Variants in SCIN observed in about 807,000 individuals in gnomAD.
SCIN encodes the protein adseverin.
In SCIN, 91 loss-of-function variants were observed where a neutral mutation model predicts 91.8. The ratio of observed to expected loss-of-function variants is 0.99; its 90% CI spans 0.84 to 1.18. The LOEUF is 1.18. SCIN is among the 50% of genes most tolerant of loss of function. SCIN has a pLI of 0.00. For synonymous variants in SCIN, 367 were observed against 312.6 expected, an observed-to-expected ratio of 1.17 and a Z score of -1.84; for missense variants, 1,087 against 863.9, an observed-to-expected ratio of 1.26 and a Z score of -3.24.
In SCIN at chr7:12,622,812, A is replaced by G. The variant is rs372300943; in HGVS notation, c.678A>G (p.Glu226=). The G allele has an allele frequency of 6.2e-7, 1 of 1,613,056 alleles. No homozygotes were observed. Among genetic ancestry groups the G allele is most frequent in the Non-Finnish European group, 8.5e-7 (1 of 1,179,284 alleles). Residue 226 remains glutamate (E), a synonymous_variant, in exon 5 of 16, where the codon GAA becomes GAG. Coordinates refer to ENST00000297029, the MANE Select transcript of SCIN (RefSeq NM_001112706.3). ...EPSELIKVLG[E]KPELPDGGDD... The stretch of plus-strand genomic sequence containing the variant: ...TCACTTTTTTCCAGGTCTTAGGGGA[A>G]AAGCCAGAGCTTCCAGATGGAGGTG...
chr7:12,609,670 G>T (rs1418983934), intron 4 of SCIN, among the ~76,000 whole-genome samples: 2 of 152,126 alleles, frequency 1.3e-5, no homozygotes. Context: ...ATTCTGGAAA[G>T]ACTTTTTAAA....
intron 3 of SCIN, among the ~76,000 whole-genome samples, chr7:12,602,888 G>C (rs559152784): frequency 6.6e-6 from 1 of 152,090 alleles, no homozygotes; most frequent in African/African-American, 2.4e-5. Flanking sequence ...CTGAGGTGAC[G>C]TACATCTTCA....
At chr7:12,586,696 G>C (rs1219947377) in intron 3 of SCIN, among the ~76,000 whole-genome samples, 1 of 151,980 alleles carries the variant, frequency 6.6e-6, no homozygotes, top group Non-Finnish European at 1.5e-5. Flanking sequence ...TCCATAAACA[G>C]GTGAATAAAG....
At chr7:12,624,386 G>GT (rs1416186286) in intron 5 of SCIN, among the ~76,000 whole-genome samples, 1 of 152,172 alleles carries the variant, frequency 6.6e-6, no homozygotes, top group Non-Finnish European at 1.5e-5. Flanking sequence ...ATAGTCTGTA[G>GT]TCATTTCTAA....
intron 3 of SCIN, among the ~76,000 whole-genome samples, chr7:12,597,064 C>T (rs1452868758): frequency 6.6e-6 from 1 of 152,156 alleles, no homozygotes; most frequent in Non-Finnish European, 1.5e-5. Context: ...AAAACACACA[C>T]AATATCTTTC....
intron 2 of SCIN, among the ~76,000 whole-genome samples, chr7:12,579,203 T>C (rs551736966): frequency 6.6e-6 from 1 of 152,272 alleles, no homozygotes; most frequent in Admixed American, 6.5e-5. Context: ...TTTATACCTT[T>C]ACCTGTTCAG....
intron 13 of SCIN, among the ~76,000 whole-genome samples, chr7:12,648,100 A>G (rs892048838): frequency 2.0e-4 from 31 of 152,302 alleles, no homozygotes; most frequent in Non-Finnish European, 3.2e-4. Context: ...ATACATGCCC[A>G]TTGGTATGTA....
chr7:12,617,872 C>T (rs1783331409), intron 4 of SCIN, among the ~76,000 whole-genome samples: 1 of 152,122 alleles, frequency 6.6e-6, no homozygotes, highest in Admixed American at 6.6e-5. Context: ...AATATGCAGC[C>T]AGTGAAAACA....
At chr7:12,600,336 T>C (rs368570684) in intron 3 of SCIN, among the ~76,000 whole-genome samples, 1 of 152,188 alleles carries the variant, frequency 6.6e-6, no homozygotes, top group Middle Eastern at 3.4e-3. Context: ...TACATTGACA[T>C]TGGGGACTCA....
chr7:12,635,388 G>A (rs529805606), intron 9 of SCIN, among the ~76,000 whole-genome samples: 2 of 151,332 alleles, frequency 1.3e-5, no homozygotes, highest in South Asian at 4.2e-4. Flanking sequence ...GAGGTGGGCA[G>A]ATCATGAGGT....
At chr7:12,616,467 A>C (rs923020445) in intron 4 of SCIN, among the ~76,000 whole-genome samples, 4 of 152,122 alleles carry the variant, frequency 2.6e-5, no homozygotes, top group Non-Finnish European at 5.9e-5. Flanking sequence ...AGATTCTGCT[A>C]CCTTGATATT....
chr7:12,591,584 G>A (rs1393673452), intron 3 of SCIN, among the ~76,000 whole-genome samples: 1 of 152,164 alleles, frequency 6.6e-6, no homozygotes, highest in East Asian at 1.9e-4. Flanking sequence ...AGCTGACGCA[G>A]TGACAAGAGC....
Position 12,657,209 on chromosome 7 carries a change from T to C in SCIN, c.*4494T>C, listed in dbSNP as rs1361600012. ...CATGTGTGTACTAAAGGATATAATA[T>C]GATTTTTTTTTTTTTTTTTTTTTTT... On this transcript the variant is annotated 3_prime_UTR_variant, in exon 16 of 16. Coordinates refer to ENST00000297029, the MANE Select transcript of SCIN (RefSeq NM_001112706.3). 7.3e-6 allele frequency: 1 copy of C among 136,164 alleles called. No individual in the cohort carries two copies. The highest frequency in any genetic ancestry group is 1.5e-5 in the Non-Finnish European group (1 of 65,116). 8.4% of individuals were successfully genotyped at this position (136,164 alleles called of 1,614,324 possible).
chr7:12,644,520 T>A, intron 12 of SCIN, 64 bp from the exon 13 acceptor site: 1 of 1,584,064 alleles, frequency 6.3e-7, no homozygotes, highest in Non-Finnish European at 8.6e-7. Flanking sequence ...TATTTGTTCA[T>A]ATAAAGCGAC....
intron 4 of SCIN, among the ~76,000 whole-genome samples, chr7:12,613,449 T>C (rs1480219696): frequency 1.3e-5 from 2 of 152,192 alleles, no homozygotes; most frequent in African/African-American, 4.8e-5. Flanking sequence ...TACGAAAATG[T>C]TAAATATGCA....
chr7:12,621,868 A>G (rs985430456), intron 4 of SCIN, among the ~76,000 whole-genome samples: 2 of 151,866 alleles, frequency 1.3e-5, no homozygotes, highest in Non-Finnish European at 2.9e-5. Flanking sequence ...GGTATTTTGC[A>G]GTACACATTT....
At chr7:12,577,814 C>T in intron 1 of SCIN, 1 of 458,686 alleles carries the variant, frequency 2.2e-6, no homozygotes, top group Non-Finnish European at 3.9e-6. Flanking sequence ...TATGATTATG[C>T]CATTGCATTC....
chr7:12,608,109 T>C (rs1583296070), intron 4 of SCIN, among the ~76,000 whole-genome samples: 1 of 152,362 alleles, frequency 6.6e-6, no homozygotes, highest in East Asian at 1.9e-4. Flanking sequence ...TTCTGCTCAC[T>C]AGTATTTAAT....
At position 12,649,520 on chromosome 7, in the gene SCIN, C is replaced by A; in HGVS notation, c.1935C>A (p.Val645=). Residue 645 remains valine (V), a synonymous_variant, in exon 14 of 16, where the codon GTC becomes GTA. Transcript: ENST00000297029. Reference sequence around the variant, plus strand: ...AGGATGATTTAGCTGAAGATGATGTCATGTTACTAGATGCTTGGGAACAGG... The same window carrying A: ...AGGATGATTTAGCTGAAGATGATGTAATGTTACTAGATGCTTGGGAACAGG... ...FTQDDLAEDD[V]MLLDAWEQIF... 1.9e-6 allele frequency: 3 copies of A among 1,601,930 alleles called. No individual in the cohort carries two copies. Among genetic ancestry groups the A allele is most frequent in the South Asian group, 1.1e-5 (1 of 88,542 alleles).
Sources: gnomAD v4.1 joint callset for allele counts (sites outside exome capture counted in the v4.1 genomes callset) on GRCh38, gnomAD v4.1.1 for gene constraint, MANE v1.5 for transcripts, NCBI Gene and HGNC (gene_info 2026-07-23, HGNC 2026-07-21) for gene names.